Variants in CAMK4 observed in about 807,000 individuals in gnomAD.
CAMK4 encodes calcium/calmodulin dependent protein kinase IV.
Under a neutral mutation model 44.9 loss-of-function variants are expected in CAMK4, and 22 were observed. The observed-to-expected ratio is 0.49, with a 90% confidence interval of 0.35 to 0.70. The LOEUF (loss-of-function observed/expected upper bound fraction) is 0.70, where lower values mean the gene tolerates loss of function less well. Ranked by LOEUF, CAMK4 falls within the 30% of genes least tolerant of loss-of-function variation. CAMK4 has a pLI of 0.01. For synonymous variants in CAMK4, 218 were observed against 215.4 expected, an observed-to-expected ratio of 1.01 and a Z score of -0.11; for missense variants, 498 against 586.8, an observed-to-expected ratio of 0.85 and a Z score of 1.56.
chr5:111,378,370 C>T (rs776438053), intron 4 of CAMK4, among the ~76,000 whole-genome samples: 1 of 152,094 alleles, frequency 6.6e-6, no homozygotes, highest in African/African-American at 2.4e-5. Context: ...GACTAAGACA[C>T]CTTCCTTCAC....
At chr5:111,386,179 A>T (rs1038882562) in intron 4 of CAMK4, among the ~76,000 whole-genome samples, 7 of 152,188 alleles carry the variant, frequency 4.6e-5, no homozygotes, top group Admixed American at 4.6e-4. Context: ...ATAAAATGAG[A>T]AGCTGTGATT....
intron 4 of CAMK4, among the ~76,000 whole-genome samples, chr5:111,385,643 G>A (rs1751573385): frequency 6.6e-6 from 1 of 151,864 alleles, no homozygotes; most frequent in African/African-American, 2.4e-5. Context: ...GCGTGATCTT[G>A]GCTCACTGCA....
intron 8 of CAMK4, among the ~76,000 whole-genome samples, chr5:111,477,521 A>G (rs1275601317): frequency 6.6e-6 from 1 of 151,872 alleles, no homozygotes; most frequent in Non-Finnish European, 1.5e-5. Flanking sequence ...CTTGGTCCCT[A>G]CTGATTTTAG....
intron 4 of CAMK4, among the ~76,000 whole-genome samples, chr5:111,379,036 A>G (rs1751318689): frequency 6.6e-6 from 1 of 152,130 alleles, no homozygotes; most frequent in South Asian, 2.1e-4. Context: ...AGTTACATTA[A>G]TAGAGCAGTT....
chr5:111,290,631 A>G lies in CAMK4; in HGVS notation c.162-53393A>G, dbSNP rs1747202894. On this transcript the variant is annotated intron_variant, in intron 1 of 10. Coordinates refer to ENST00000282356, the MANE Select transcript of CAMK4 (RefSeq NM_001744.6). The surrounding 1 kb of genome is among the most constrained non-coding windows in gnomAD (Gnocchi z 4.5). The stretch of plus-strand genomic sequence containing the variant: ...GTTCAGTGACTCTTGAGCTGGGCAC[A>G]GACAAGCACTAAAAGGCGCTAGTGT... 1.3e-5 allele frequency among the ~76,000 whole-genome samples: 2 copies of G among 152,190 alleles called. No homozygotes were observed. Among genetic ancestry groups the G allele is most frequent in the African/African-American group, 4.8e-5 (2 of 41,458 alleles).
chr5:111,252,086 A>T (rs1749526689), intron 1 of CAMK4, among the ~76,000 whole-genome samples: 1 of 152,234 alleles, frequency 6.6e-6, no homozygotes, highest in Non-Finnish European at 1.5e-5. Flanking sequence ...TGGGATGCCA[A>T]GGCATAGTCA....
intron 1 of CAMK4, among the ~76,000 whole-genome samples, chr5:111,246,092 G>T (rs1222053601): frequency 6.6e-6 from 1 of 152,158 alleles, no homozygotes; most frequent in Non-Finnish European, 1.5e-5. Context: ...TTTATGTGTG[G>T]ACGTGTTTTT....
At chr5:111,353,635 A>T (rs975074975) in intron 2 of CAMK4, among the ~76,000 whole-genome samples, 1 of 152,166 alleles carries the variant, frequency 6.6e-6, no homozygotes, top group Non-Finnish European at 1.5e-5. Flanking sequence ...ATAAGAACTG[A>T]TAAATCATTT....
chr5:111,291,927 T>G (rs1327826090), intron 1 of CAMK4, among the ~76,000 whole-genome samples: 1 of 152,258 alleles, frequency 6.6e-6, no homozygotes, highest in Non-Finnish European at 1.5e-5. Flanking sequence ...CAACATACTA[T>G]TTTATAAGGA....
At chr5:111,369,939 T>C (rs1750940608) in intron 2 of CAMK4, among the ~76,000 whole-genome samples, 1 of 152,104 alleles carries the variant, frequency 6.6e-6, no homozygotes, top group Non-Finnish European at 1.5e-5. Flanking sequence ...CCATGGTTAG[T>C]TGAATAGAAG....
rs527361619 is a variant in CAMK4 at position 111,396,738 on chromosome 5, T to G, written c.459+1956T>G. 1.3e-3 allele frequency among the ~76,000 whole-genome samples: 178 copies of G among 141,038 alleles called. 2 individuals carry two copies. The highest frequency in any genetic ancestry group is 8.6e-3 in the South Asian group (36 of 4,184). The allele number at this position is 141,038 out of a possible 152,430, so 92.5% of individuals were successfully genotyped here. A position where few individuals can be genotyped will look rare whatever the true frequency, so the allele number is the denominator to read the frequency against. On this transcript the variant is annotated intron_variant, in intron 5 of 10. Coordinates refer to ENST00000282356, the MANE Select transcript of CAMK4 (RefSeq NM_001744.6). Reference sequence around the variant, plus strand: ...TCACTGCAACCTCTGCCTCCCAGGTTGAAGTGATTCTCCTGCCTCAGCCTC... The same window carrying G: ...TCACTGCAACCTCTGCCTCCCAGGTGGAAGTGATTCTCCTGCCTCAGCCTC...
intron 5 of CAMK4, among the ~76,000 whole-genome samples, chr5:111,443,352 A>C (rs1392948248): frequency 7.1e-6 from 1 of 141,354 alleles, no homozygotes. Flanking sequence ...TATATACTAT[A>C]TATATAGTAT....
At chr5:111,233,559 C>T (rs1362937342) in intron 1 of CAMK4, among the ~76,000 whole-genome samples, 5 of 152,090 alleles carry the variant, frequency 3.3e-5, no homozygotes, top group South Asian at 2.1e-4. Flanking sequence ...TATTTATTGG[C>T]GGGTAATTTG....
At chr5:111,269,464 C>T (rs531825635) in intron 1 of CAMK4, among the ~76,000 whole-genome samples, 1 of 152,256 alleles carries the variant, frequency 6.6e-6, no homozygotes, top group Non-Finnish European at 1.5e-5. Context: ...GGCCACATAA[C>T]CAGTCCACAT....
At chr5:111,464,620 T>TAGG (rs2112472558) in intron 7 of CAMK4, among the ~76,000 whole-genome samples, 1 of 152,258 alleles carries the variant, frequency 6.6e-6, no homozygotes, top group Non-Finnish European at 1.5e-5. Flanking sequence ...ATTTATAGTC[T>TAGG]AGGGACCCAG....
chr5:111,453,683 A>T (rs1011078754), intron 7 of CAMK4, among the ~76,000 whole-genome samples: 3 of 152,216 alleles, frequency 2.0e-5, no homozygotes, highest in African/African-American at 7.2e-5. Context: ...CATATCCTAG[A>T]GACAGGAGGC....
chr5:111,296,643 G>A (rs566972437), intron 1 of CAMK4, among the ~76,000 whole-genome samples: 4 of 152,212 alleles, frequency 2.6e-5, no homozygotes, highest in South Asian at 4.1e-4. Flanking sequence ...CAAATAACCC[G>A]TGGCTTGAAA....
intron 1 of CAMK4, among the ~76,000 whole-genome samples, chr5:111,294,866 T>C (rs574211838): frequency 1.3e-5 from 2 of 152,324 alleles, no homozygotes; most frequent in Admixed American, 6.5e-5. Flanking sequence ...GATTATTAAA[T>C]TGCTGCAGAT....
intron 4 of CAMK4, among the ~76,000 whole-genome samples, chr5:111,379,475 C>T (rs1419110530): frequency 6.6e-6 from 1 of 152,108 alleles, no homozygotes; most frequent in African/African-American, 2.4e-5. Flanking sequence ...AAGATAGACT[C>T]TTTTCCTTTG....
Sources: allele counts gnomAD v4.1 joint callset (sites outside exome capture counted in the v4.1 genomes callset), GRCh38; gene constraint gnomAD v4.1.1; non-coding constraint Gnocchi (gnomAD v3.1); transcripts MANE v1.5; gene names NCBI Gene and HGNC (gene_info 2026-07-23, HGNC 2026-07-21).